PTPRG: variants seen among roughly 807,000 people sequenced by gnomAD.
PTPRG encodes the protein protein tyrosine phosphatase receptor type G, also known as receptor-type tyrosine-protein phosphatase gamma.
In PTPRG, 102 loss-of-function variants were observed where a neutral mutation model predicts 165.3. The ratio of observed to expected loss-of-function variants is 0.62; its 90% CI spans 0.53 to 0.73. PTPRG has a LOEUF of 0.73. Among genes scored for constraint, PTPRG ranks in the 30% least tolerant of loss-of-function variants. The pLI is 0.00. For missense variants in PTPRG, 1,866 were observed against 1,861.4 expected (o/e 1.00, Z -0.05); for synonymous variants, 675 against 669.5 (o/e 1.01, Z -0.13).
intron 12 of PTPRG, among the ~76,000 whole-genome samples, chr3:62,212,566 T>A (rs1330379685): frequency 6.6e-6 from 1 of 152,112 alleles, no homozygotes; most frequent in Non-Finnish European, 1.5e-5. Flanking sequence ...GCAGACTCAT[T>A]GGGTCAGAGT....
chr3:61,600,171 AAAATATAT>A (rs1435320785), intron 1 of PTPRG, among the ~76,000 whole-genome samples: 1 of 107,234 alleles, frequency 9.3e-6, no homozygotes, highest in South Asian at 3.2e-4. Flanking sequence ...AAAAAAAAAA[AAAATATAT>A]ATATATATAT....
intron 2 of PTPRG, among the ~76,000 whole-genome samples, chr3:61,976,070 C>A (rs963454244): frequency 6.6e-6 from 1 of 152,140 alleles, no homozygotes; most frequent in Non-Finnish European, 1.5e-5. Context: ...GGGAACCCTG[C>A]AATGTGCTGG....
chr3:62,117,046 C>A (rs1702892372), intron 5 of PTPRG, among the ~76,000 whole-genome samples: 2 of 152,196 alleles, frequency 1.3e-5, no homozygotes, highest in South Asian at 4.1e-4. Flanking sequence ...GAGAGCTCTT[C>A]AGGGTTCTGT....
intron 2 of PTPRG, among the ~76,000 whole-genome samples, chr3:61,829,314 A>G (rs777575827): frequency 6.6e-6 from 1 of 152,254 alleles, no homozygotes; most frequent in Non-Finnish European, 1.5e-5. Flanking sequence ...GTAGTTCAAT[A>G]ATGACCGTTA....
intron 1 of PTPRG, among the ~76,000 whole-genome samples, chr3:61,664,395 A>C (rs1702750022): frequency 6.6e-6 from 1 of 152,218 alleles, no homozygotes; most frequent in African/African-American, 2.4e-5. Context: ...TCCTCAGTCC[A>C]AGAGCATGAC....
At chr3:61,647,705 T>A (rs1001937806) in intron 1 of PTPRG, among the ~76,000 whole-genome samples, 8 of 139,500 alleles carry the variant, frequency 5.7e-5, no homozygotes, top group African/African-American at 2.1e-4. Flanking sequence ...GGCAGAAGAA[T>A]GGTGTGAACC....
At chr3:61,624,355 A>G (rs559967325) in intron 1 of PTPRG, among the ~76,000 whole-genome samples, 2 of 152,196 alleles carry the variant, frequency 1.3e-5, no homozygotes, top group South Asian at 4.2e-4. Flanking sequence ...CCAACTTCCC[A>G]TGCCAGTAGG....
intron 1 of PTPRG, among the ~76,000 whole-genome samples, chr3:61,572,915 T>G (rs1296409266): frequency 6.6e-6 from 1 of 152,162 alleles, no homozygotes; most frequent in Non-Finnish European, 1.5e-5. Flanking sequence ...TTGGGCTTGT[T>G]TGGGGTTTTG....
At chr3:61,774,311 T>A (rs909416559) in intron 2 of PTPRG, among the ~76,000 whole-genome samples, 34 of 152,232 alleles carry the variant, frequency 2.2e-4, no homozygotes, top group Non-Finnish European at 5.9e-5. Context: ...CCAGGAGTAG[T>A]AGTTATTCAT....
intron 1 of PTPRG, among the ~76,000 whole-genome samples, chr3:61,608,504 T>C (rs1701075655): frequency 6.6e-6 from 1 of 152,176 alleles, no homozygotes. Context: ...GCTGCCAGGA[T>C]GTGCCACCCA....
intron 1 of PTPRG, among the ~76,000 whole-genome samples, chr3:61,586,588 C>CT: frequency 6.6e-6 from 1 of 152,300 alleles, no homozygotes; most frequent in South Asian, 2.1e-4. Flanking sequence ...AAAGTTGCTA[C>CT]TTTTGAGAGC....
At chr3:61,640,463 C>G (rs1294825220) in intron 1 of PTPRG, among the ~76,000 whole-genome samples, 1 of 152,148 alleles carries the variant, frequency 6.6e-6, no homozygotes, top group Non-Finnish European at 1.5e-5. Flanking sequence ...GAACATAAAC[C>G]AAGGATCAGG....
intron 2 of PTPRG, among the ~76,000 whole-genome samples, chr3:61,918,991 T>G (rs2107556199): frequency 6.6e-6 from 1 of 152,286 alleles, no homozygotes; most frequent in Admixed American, 6.5e-5. Flanking sequence ...AGGGTGGGAC[T>G]AGGCAATCTC....
intron 2 of PTPRG, among the ~76,000 whole-genome samples, chr3:61,905,325 C>T (rs1004251272): frequency 6.6e-5 from 10 of 152,104 alleles, no homozygotes; most frequent in African/African-American, 1.4e-4. Context: ...ATCCTCTAAA[C>T]GGTCTTGTCA....
At chr3:61,595,970 T>C (rs975213665) in intron 1 of PTPRG, among the ~76,000 whole-genome samples, 2 of 152,234 alleles carry the variant, frequency 1.3e-5, no homozygotes, top group African/African-American at 4.8e-5. Context: ...CACCACCCCA[T>C]GTAATTTATA....
chr3:62,079,855 G>A (rs142778529), intron 5 of PTPRG, among the ~76,000 whole-genome samples: 20 of 152,302 alleles, frequency 1.3e-4, no homozygotes, highest in African/African-American at 4.8e-4. Context: ...CATGTAGATT[G>A]CAGTGGTAAT....
chr3:61,985,240 G>A (rs1352178994), intron 2 of PTPRG, among the ~76,000 whole-genome samples: 1 of 152,228 alleles, frequency 6.6e-6, no homozygotes, highest in Non-Finnish European at 1.5e-5. Flanking sequence ...CTGCACTGCA[G>A]GAAGTGACTT....
intron 1 of PTPRG, among the ~76,000 whole-genome samples, chr3:61,739,941 A>G (rs1184963698): frequency 6.6e-6 from 1 of 152,216 alleles, no homozygotes; most frequent in Non-Finnish European, 1.5e-5. Context: ...ATGAAAATAC[A>G]GATATTGGTG....
intron 4 of PTPRG, among the ~76,000 whole-genome samples, chr3:62,012,194 C>T (rs937699852): frequency 6.6e-6 from 1 of 152,272 alleles, no homozygotes; most frequent in Non-Finnish European, 1.5e-5. Flanking sequence ...TCTTCTTATA[C>T]CCATCTTAAA....
Sources: allele counts gnomAD v4.1 joint callset (sites outside exome capture counted in the v4.1 genomes callset), GRCh38; gene constraint gnomAD v4.1.1; transcripts MANE v1.5; gene names NCBI Gene and HGNC (gene_info 2026-07-23, HGNC 2026-07-21).